The following TTC13 variants were observed in gnomAD, a reference collection of about 807,000 sequenced individuals.
TTC13 encodes the protein tetratricopeptide repeat protein 13.
TTC13 carries 62 observed loss-of-function variants against 120.0 expected under a neutral mutation model. That is an observed-to-expected ratio of 0.52 (90% confidence interval 0.42 to 0.64). The LOEUF is 0.64. TTC13 is among the 30% of genes least tolerant of loss of function. The pLI is 0.00. For missense variants in TTC13, 824 were observed against 1,050.2 expected, an observed-to-expected ratio of 0.78 and a Z score of 2.98; for synonymous variants, 384 against 393.5, an observed-to-expected ratio of 0.98 and a Z score of 0.28.
intron 22 of TTC13, 26 bp from the exon 23 acceptor site, chr1:230,907,045 G>T: frequency 1.6e-6 from 2 of 1,266,430 alleles, no homozygotes; most frequent in South Asian, 1.6e-5. Flanking sequence ...ACAAAGTAGC[G>T]GCATGAAAAT....
At chr1:230,974,290 C>G (rs1678045445) in intron 1 of TTC13, among the ~76,000 whole-genome samples, 2 of 152,150 alleles carry the variant, frequency 1.3e-5, no homozygotes, top group African/African-American at 2.4e-5. Context: ...CTACACACTG[C>G]TCTTTATCCT....
intron 1 of TTC13, among the ~76,000 whole-genome samples, chr1:230,972,695 G>A (rs1315822446): frequency 6.6e-6 from 1 of 152,166 alleles, no homozygotes; most frequent in African/African-American, 2.4e-5. Context: ...TCCACCCAGA[G>A]ATTAAAAAAT....
rs1356294520 is a variant in TTC13, at chr1:230,906,953, A to C, written c.2535T>G (p.Ile845Met). 5.8e-6 allele frequency: 9 copies of C among 1,546,908 alleles called. No individual in the cohort carries two copies. Among genetic ancestry groups the C allele is most frequent in the Non-Finnish European group, 7.8e-6 (9 of 1,154,916 alleles). The change falls in exon 23 of 23, where the codon ATT becomes ATG. Residue 845 changes from isoleucine to methionine, a missense_variant. By Grantham distance (10) the Ile-to-Met change is conservative. This residue lies in a region of TTC13 where 226 missense variants were observed against 259.1 expected (regional missense o/e 0.87). Coordinates refer to ENST00000366661, the MANE Select transcript of TTC13 (RefSeq NM_024525.5). ...SETFPTLRSM[I>M]EVLNTDSSPR... The stretch of plus-strand genomic sequence containing the variant: ...GAGAAGAGTCTGTGTTTAGCACCTC[A>C]ATCATCGATCTTAACGTTGGAAACG...
rs114036746 is a variant in TTC13 at position 230,958,352 on chromosome 1, A to G, written c.367-53T>C. On this transcript the variant is annotated intron_variant, in intron 2 of 22. Coordinates refer to ENST00000366661, the MANE Select transcript of TTC13 (RefSeq NM_024525.5). ...CATTTTAGCTATCACAAATGAAAGA[A>G]AACTTGTATTAAAATCTGTATTTTA... 1.0e-3 allele frequency: 1,563 copies of G among 1,553,222 alleles called. 15 individuals carry two copies. In the African/African-American group the frequency reaches 0.02, roughly 20 times the overall value.
At chr1:230,946,947 G>T (rs1399202955) in intron 4 of TTC13, among the ~76,000 whole-genome samples, 3 of 152,202 alleles carry the variant, frequency 2.0e-5, no homozygotes, top group African/African-American at 7.2e-5. Context: ...ATACGTGATT[G>T]TGTGAGCCAT....
At chr1:230,933,327 G>A (rs369923058) in intron 9 of TTC13, among the ~76,000 whole-genome samples, 3 of 151,800 alleles carry the variant, frequency 2.0e-5, no homozygotes, top group East Asian at 3.9e-4. Context: ...TCAGGGCAAT[G>A]CATGGCGTCA....
chr1:230,924,948 G>A lies in TTC13; in HGVS notation c.1614C>T (p.Val538=). Residue 538 remains valine (V), a synonymous_variant, in exon 14 of 23, where the codon GTC becomes GTT. Coordinates refer to ENST00000366661, the MANE Select transcript of TTC13 (RefSeq NM_024525.5). ...HRAMGLAALE[V]MQAVQRTWTN... ...TCCATGTACGCTGCACGGCTTGCAT[G>A]ACCTCCAATGCGGCCAAACCCATAG... The A allele has an allele frequency of 6.2e-7, 1 of 1,614,118 alleles. No individual in the cohort carries two copies. Among genetic ancestry groups the A allele is most frequent in the Non-Finnish European group, 8.5e-7 (1 of 1,180,036 alleles).
chr1:230,975,966 C>T lies in TTC13; in HGVS notation c.271+2594G>A, dbSNP rs200414915. Among the ~76,000 whole-genome samples, 15 of 152,270 alleles carry T rather than the reference C, an allele frequency of 9.9e-5. No homozygotes were observed. The East Asian group carries it at 2.1e-3, about 22-fold the overall frequency. Reference sequence around the variant, plus strand: ...CTGTCCTTGTATGTACAATCACTGGCGGTTCTGTCTCAAGGGAATACATAT... The same window carrying T: ...CTGTCCTTGTATGTACAATCACTGGTGGTTCTGTCTCAAGGGAATACATAT... On this transcript the variant is annotated intron_variant, in intron 1 of 22. Coordinates refer to ENST00000366661, the MANE Select transcript of TTC13 (RefSeq NM_024525.5).
Position 230,939,472 on chromosome 1 carries a change from A to G in TTC13, c.814T>C (p.Phe272Leu). The change falls in exon 8 of 23, where the codon TTT becomes CTT. Residue 272 changes from phenylalanine to leucine, a missense_variant. Physicochemically the swap from Phe to Leu is conservative, Grantham distance 22. Around this residue, in one of 4 missense-constraint regions of TTC13, gnomAD observed 430 missense variants for 626.8 expected, o/e 0.69. Coordinates refer to ENST00000366661, the MANE Select transcript of TTC13 (RefSeq NM_024525.5). ...TTGTTCAGTTCTAAGGACTGCTGAA[A>G]GTCTTCATGGGCTGTTGCATAGTCC... ...SEDYATAHED[F>L]QQSLELNKNQ... 2 of 1,611,500 alleles carry G rather than the reference A, an allele frequency of 1.2e-6. No individual in the cohort carries two copies. The highest frequency in any genetic ancestry group is 1.7e-6 in the Non-Finnish European group (2 of 1,178,112).
At chr1:230,927,564 T>G (rs1485179868) in intron 12 of TTC13, among the ~76,000 whole-genome samples, 2 of 152,214 alleles carry the variant, frequency 1.3e-5, no homozygotes, top group Non-Finnish European at 2.9e-5. Context: ...ATTTTTTAAT[T>G]TGTAGTGATA....
intron 3 of TTC13, among the ~76,000 whole-genome samples, chr1:230,955,892 T>A (rs1218219220): frequency 6.6e-6 from 1 of 152,082 alleles, no homozygotes; most frequent in Non-Finnish European, 1.5e-5. Context: ...ATGCTGACAA[T>A]AGATACCGTT....
At chr1:230,972,931 G>A (rs1677912715) in intron 1 of TTC13, among the ~76,000 whole-genome samples, 1 of 152,180 alleles carries the variant, frequency 6.6e-6, no homozygotes. Flanking sequence ...TGCCACAGGG[G>A]CCAGGATGTG....
Position 230,910,481 on chromosome 1 carries a change from G to A in TTC13, c.2309+989C>T, listed in dbSNP as rs148537643. Among the ~76,000 whole-genome samples the A allele has an allele frequency of 2.3e-3, 344 of 152,336 alleles. 5 individuals carry two copies. The highest frequency in any genetic ancestry group is 0.021 in the Admixed American group (316 of 15,304). On this transcript the variant is annotated intron_variant, in intron 20 of 22. Coordinates refer to ENST00000366661, the MANE Select transcript of TTC13 (RefSeq NM_024525.5). ...GCAGGAGCAAAGCTAGCTGTGGCGG[G>A]TACAGGGAAGAGAGAAACAGAAGTG...
At chr1:230,934,516 C>A (rs1171148266) in intron 8 of TTC13, among the ~76,000 whole-genome samples, 1 of 152,220 alleles carries the variant, frequency 6.6e-6, no homozygotes, top group African/African-American at 2.4e-5. Context: ...CTTTGGGAAG[C>A]TATCCTTGGA....
intron 9 of TTC13, among the ~76,000 whole-genome samples, chr1:230,932,656 A>G (rs1673660074): frequency 6.6e-6 from 1 of 152,220 alleles, no homozygotes; most frequent in African/African-American, 2.4e-5. Flanking sequence ...TATATTCAAT[A>G]ATTCTGTGAG....
intron 2 of TTC13, among the ~76,000 whole-genome samples, chr1:230,959,696 T>C (rs1395042985): frequency 6.6e-6 from 1 of 152,234 alleles, no homozygotes; most frequent in East Asian, 1.9e-4. Flanking sequence ...ACAAATCAAA[T>C]TCTTGATGAA....
chr1:230,959,736 T>C (rs1676450311), intron 2 of TTC13, among the ~76,000 whole-genome samples: 1 of 152,208 alleles, frequency 6.6e-6, no homozygotes, highest in African/African-American at 2.4e-5. Context: ...TAATACTGCA[T>C]CTATAGTATC....
chr1:230,911,249 T>G (rs1671467514), intron 20 of TTC13: 1 of 335,534 alleles, frequency 3.0e-6, no homozygotes, highest in African/African-American at 2.1e-5. Context: ...TGAATCCCTA[T>G]CCTATTAAAC....
intron 4 of TTC13, among the ~76,000 whole-genome samples, chr1:230,951,374 T>TA (rs1225960531): frequency 1.5e-3 from 201 of 135,718 alleles, no homozygotes; most frequent in Non-Finnish European, 1.9e-3. Flanking sequence ...ATGAGCTGTC[T>TA]AAAAAAAAAA....
Sources: allele counts gnomAD v4.1 joint callset (sites outside exome capture counted in the v4.1 genomes callset), GRCh38; gene constraint gnomAD v4.1.1; regional missense constraint gnomAD v4.1.1; transcripts MANE v1.5; gene names NCBI Gene and HGNC (gene_info 2026-07-23, HGNC 2026-07-21).